The following CNTNAP4 variants were observed in gnomAD, a reference collection of about 807,000 sequenced individuals.
CNTNAP4 encodes the protein contactin associated protein family member 4, also known as contactin-associated protein-like 4.
A neutral mutation model predicts 148.4 loss-of-function variants in CNTNAP4; 98 were observed. That is an observed-to-expected ratio of 0.66 (90% CI 0.56 to 0.78). The LOEUF is 0.78. Ranked by LOEUF, CNTNAP4 falls within the 30% of genes least tolerant of loss-of-function variation. The pLI is 0.00. For missense variants in CNTNAP4, 1,935 were observed against 1,565.6 expected (o/e 1.24, Z -3.98); for synonymous variants, 730 against 565.1 (o/e 1.29, Z -4.14).
chr16:76,553,469 C>G lies in CNTNAP4; in HGVS notation c.3629C>G (p.Ala1210Gly). 6.2e-7 allele frequency: 1 copy of G among 1,611,854 alleles called. No homozygotes were observed. Among genetic ancestry groups the G allele is most frequent in the Non-Finnish European group, 8.5e-7 (1 of 1,178,942 alleles). The part of the protein sequence containing the change: ...SSCMAQPGTD[A>G]TSRERTHSFA... ...TGTATGGCCCAGCCTGGCACTGATG[C>G]CACATCAAGGGAAAGGACACACTCG... The change falls in exon 22 of 24, where the codon GCC becomes GGC. Residue 1210 changes from alanine to glycine, a missense_variant. By Grantham distance (60) the Ala-to-Gly change is moderately conservative. Transcript: ENST00000611870.
intron 1 of CNTNAP4, among the ~76,000 whole-genome samples, chr16:76,311,191 A>G (rs1057232108): frequency 6.6e-6 from 1 of 152,196 alleles, no homozygotes; most frequent in African/African-American, 2.4e-5. Context: ...AGAATTATGC[A>G]TTAAAGCCAT....
chr16:76,525,037 G>A lies in CNTNAP4; in HGVS notation c.2755+2780G>A, dbSNP rs551848330. ...CTGGCTGTCAAAACACCACATGAGG[G>A]GCTTGGGTTTATCTTCACCTCCACC... On this transcript the variant is annotated intron_variant, in intron 17 of 23. Transcript: ENST00000611870. Among the ~76,000 whole-genome samples, 6 of 152,070 alleles carry A rather than the reference G, an allele frequency of 3.9e-5. No individual in the cohort carries two copies. The East Asian group carries it at 1.2e-3, about 29-fold the overall frequency.
intron 20 of CNTNAP4, 46 bp downstream of exon 20, chr16:76,539,898 A>G (rs745484680): frequency 1.4e-6 from 2 of 1,420,504 alleles, no homozygotes; most frequent in Non-Finnish European, 1.9e-6. Flanking sequence ...ATGACTCTCC[A>G]GCATGAAGGA....
intron 3 of CNTNAP4, among the ~76,000 whole-genome samples, chr16:76,422,308 A>G (rs932272460): frequency 2.0e-4 from 31 of 152,182 alleles, no homozygotes; most frequent in African/African-American, 5.5e-4. Flanking sequence ...TTCTGTGTCT[A>G]TTAGGAGGTT....
chr16:76,357,081 A>C (rs77750696), intron 3 of CNTNAP4, among the ~76,000 whole-genome samples: 2,228 of 150,916 alleles, frequency 0.015, 59 homozygotes, highest in African/African-American at 0.05. Context: ...ACACACACAC[A>C]CCCCAAACTC....
At chr16:76,318,357 A>G (rs1157795671) in intron 2 of CNTNAP4, among the ~76,000 whole-genome samples, 1 of 152,070 alleles carries the variant, frequency 6.6e-6, no homozygotes, top group African/African-American at 2.4e-5. Flanking sequence ...ATCAAATCAT[A>G]TTTTTCATTA....
intron 9 of CNTNAP4, among the ~76,000 whole-genome samples, chr16:76,466,509 A>G (rs2143485978): frequency 6.6e-6 from 1 of 152,294 alleles, no homozygotes; most frequent in Admixed American, 6.5e-5. Flanking sequence ...AATATCTCAT[A>G]TACCCACATA....
chr16:76,295,328 A>G (rs1959209727), intron 1 of CNTNAP4, among the ~76,000 whole-genome samples: 1 of 152,376 alleles, frequency 6.6e-6, no homozygotes, highest in Non-Finnish European at 1.5e-5. Context: ...TGGCCAGGTC[A>G]TGAGGAATCC....
At chr16:76,553,667 C>A (rs1430636792) in intron 22 of CNTNAP4, among the ~76,000 whole-genome samples, 166 bp downstream of exon 22, 1 of 152,194 alleles carries the variant, frequency 6.6e-6, no homozygotes, top group Non-Finnish European at 1.5e-5. Flanking sequence ...AGGTGCTCAA[C>A]TTCTTATTTA....
intron 8 of CNTNAP4, among the ~76,000 whole-genome samples, chr16:76,460,773 A>AATAAATAAATAT (rs1555564518): frequency 5.2e-5 from 3 of 57,324 alleles, no homozygotes; most frequent in Non-Finnish European, 9.8e-5. Context: ...AAAAAAAAAA[A>AATAAATAAATAT]ATATATATAT....
chr16:76,433,337 G>A (rs2079684064), intron 4 of CNTNAP4, among the ~76,000 whole-genome samples: 1 of 152,164 alleles, frequency 6.6e-6, no homozygotes, highest in Non-Finnish European at 1.5e-5. Flanking sequence ...ATGTACAGAT[G>A]TGTTAAACCA....
At position 76,411,983 on chromosome 16, in the gene CNTNAP4, A is replaced by G. The variant is rs186704707; in HGVS notation, c.391-15469A>G. On this transcript the variant is annotated intron_variant, in intron 3 of 23. Transcript: ENST00000611870. Reference sequence around the variant, plus strand: ...ACCTCCCTCTTCCCACCAAATAATCATGACCATGAATTCTATTGCCATAGA... The same window carrying G: ...ACCTCCCTCTTCCCACCAAATAATCGTGACCATGAATTCTATTGCCATAGA... Among the ~76,000 whole-genome samples the G allele has an allele frequency of 2.6e-5, 4 of 151,506 alleles. No individual in the cohort carries two copies. The East Asian group carries it at 7.7e-4, about 29-fold the overall frequency.
intron 16 of CNTNAP4, 72 bp from the exon 17 acceptor site, chr16:76,521,967 C>G: frequency 1.5e-6 from 2 of 1,339,144 alleles, no homozygotes; most frequent in Non-Finnish European, 2.1e-6. Context: ...TAGTGTGTTC[C>G]TAAGTATATT....
chr16:76,515,671 T>G (rs553030965), intron 15 of CNTNAP4, among the ~76,000 whole-genome samples: 1 of 151,166 alleles, frequency 6.6e-6, no homozygotes, highest in Non-Finnish European at 1.5e-5. Flanking sequence ...TGGAAGGAGG[T>G]TCAACCAAAG....
At chr16:76,446,698 T>C (rs2080261715) in intron 4 of CNTNAP4, among the ~76,000 whole-genome samples, 1 of 152,084 alleles carries the variant, frequency 6.6e-6, no homozygotes, top group Admixed American at 6.6e-5. Context: ...CAGAAAATAG[T>C]ATTGCCCTTA....
intron 4 of CNTNAP4, among the ~76,000 whole-genome samples, chr16:76,436,033 TCACCTCTA>T (rs1405213557): frequency 1.3e-5 from 2 of 152,162 alleles, no homozygotes; most frequent in South Asian, 2.1e-4. Context: ...ACTCTGAATG[TCACCTCTA>T]GGGGCCCGCC....
At chr16:76,435,227 A>G (rs979069878) in intron 4 of CNTNAP4, among the ~76,000 whole-genome samples, 5 of 152,210 alleles carry the variant, frequency 3.3e-5, no homozygotes, top group East Asian at 3.9e-4. Context: ...TTATAATTCA[A>G]ATGAGTCTTT....
intron 12 of CNTNAP4, among the ~76,000 whole-genome samples, chr16:76,486,197 C>T (rs1326361323): frequency 1.3e-5 from 2 of 152,124 alleles, no homozygotes; most frequent in Non-Finnish European, 2.9e-5. Context: ...TTATTCATTT[C>T]CCTGTCTCCT....
At chr16:76,390,853 T>G (rs1377986907) in intron 3 of CNTNAP4, among the ~76,000 whole-genome samples, 1 of 151,876 alleles carries the variant, frequency 6.6e-6, no homozygotes, top group Non-Finnish European at 1.5e-5. Flanking sequence ...TCATTAACTG[T>G]TTTTTTTCTT....
Sources: gnomAD v4.1 joint callset for allele counts (sites outside exome capture counted in the v4.1 genomes callset) on GRCh38, gnomAD v4.1.1 for gene constraint, MANE v1.5 for transcripts, NCBI Gene and HGNC (gene_info 2026-07-23, HGNC 2026-07-21) for gene names.